The following CDH13 variants were observed in gnomAD, a reference collection of about 807,000 sequenced individuals.
CDH13 encodes the protein cadherin-13.
Under a neutral mutation model 63.8 loss-of-function variants are expected in CDH13, and 24 were observed. That is an observed-to-expected ratio of 0.38 (90% confidence interval 0.27 to 0.53). CDH13 has a LOEUF of 0.53. CDH13 is among the 20% of genes least tolerant of loss of function. The pLI is 0.85. For synonymous variants in CDH13, 503 were observed against 355.3 expected (o/e 1.42, Z -4.67); for missense variants, 1,049 against 903.1 (o/e 1.16, Z -2.07).
intron 6 of CDH13, among the ~76,000 whole-genome samples, chr16:83,414,357 A>G (rs1490024397): frequency 6.6e-6 from 1 of 152,198 alleles, no homozygotes; most frequent in Non-Finnish European, 1.5e-5. Context: ...TGATGCAACC[A>G]CCACCACAGT....
At chr16:82,896,612 G>C (rs1236049518) in intron 2 of CDH13, among the ~76,000 whole-genome samples, 1 of 151,656 alleles carries the variant, frequency 6.6e-6, no homozygotes, top group Non-Finnish European at 1.5e-5. Flanking sequence ...CAGGATTAAA[G>C]TGTGAAAAAA....
intron 7 of CDH13, among the ~76,000 whole-genome samples, chr16:83,586,491 T>C (rs943515931): frequency 1.3e-5 from 2 of 152,228 alleles, no homozygotes; most frequent in Non-Finnish European, 2.9e-5. Flanking sequence ...ATCAACATCC[T>C]GTCTGTCTGG....
chr16:82,955,953 C>A (rs905469227), intron 2 of CDH13, among the ~76,000 whole-genome samples: 7 of 152,220 alleles, frequency 4.6e-5, no homozygotes, highest in Admixed American at 4.6e-4. Context: ...TCTGTGTCAT[C>A]ACTGACATTC....
At chr16:83,075,121 G>A (rs1008892080) in intron 3 of CDH13, among the ~76,000 whole-genome samples, 1 of 152,158 alleles carries the variant, frequency 6.6e-6, no homozygotes, top group Non-Finnish European at 1.5e-5. Flanking sequence ...GTCTCTTAGA[G>A]AGTCCCCAGT....
intron 5 of CDH13, among the ~76,000 whole-genome samples, chr16:83,319,141 C>A (rs530767398): frequency 4.6e-5 from 7 of 151,980 alleles, no homozygotes; most frequent in Non-Finnish European, 8.8e-5. Context: ...AAGTAATATT[C>A]TTTTCTTGCT....
chr16:83,133,991 C>T lies in CDH13; in HGVS notation c.483+8490C>T, dbSNP rs79020725. The stretch of plus-strand genomic sequence containing the variant: ...AATTGAATTCTAGCCATATGTATGG[C>T]TGATTAACATAGACATTCACTGCTT... On this transcript the variant is annotated intron_variant, in intron 4 of 13. Transcript: ENST00000567109. Among the ~76,000 whole-genome samples, 65 of 152,280 alleles carry T rather than the reference C, an allele frequency of 4.3e-4. No homozygotes were observed. The East Asian group carries it at 7.3e-3, about 17-fold the overall frequency.
Position 83,674,489 on chromosome 16 carries a change from T to C in CDH13, c.1284+3517T>C, listed in dbSNP as rs926279465. Reference sequence around the variant, plus strand: ...CCGGCCAATTTCCCGTGATGTTTCATTGACCAATGACATACGTTCTTCCTT... The same window carrying C: ...CCGGCCAATTTCCCGTGATGTTTCACTGACCAATGACATACGTTCTTCCTT... On this transcript the variant is annotated intron_variant, in intron 9 of 13. Coordinates refer to ENST00000567109, the MANE Select transcript of CDH13 (RefSeq NM_001257.5). 3.3e-5 allele frequency among the ~76,000 whole-genome samples: 5 copies of C among 152,238 alleles called. No individual in the cohort carries two copies. The East Asian group carries it at 9.6e-4, about 29-fold the overall frequency.
chr16:83,149,666 A>G (rs2036891142), intron 4 of CDH13, among the ~76,000 whole-genome samples: 1 of 152,188 alleles, frequency 6.6e-6, no homozygotes, highest in Non-Finnish European at 1.5e-5. Flanking sequence ...ACTGGTTTCT[A>G]AAAGCCCTAT....
At chr16:82,861,376 A>T (rs2216738) in intron 2 of CDH13, among the ~76,000 whole-genome samples, 2 of 151,914 alleles carry the variant, frequency 1.3e-5, no homozygotes, top group African/African-American at 4.8e-5. Flanking sequence ...TGATGTCTAC[A>T]CTCTTCACTT....
chr16:83,064,271 A>T (rs1317377634), intron 3 of CDH13, among the ~76,000 whole-genome samples: 4 of 152,268 alleles, frequency 2.6e-5, no homozygotes, highest in African/African-American at 9.6e-5. Context: ...CAAGAGGCTG[A>T]GATAGGAAAA....
intron 5 of CDH13, among the ~76,000 whole-genome samples, chr16:83,297,667 T>A: frequency 6.6e-6 from 1 of 152,284 alleles, no homozygotes; most frequent in South Asian, 2.1e-4. Context: ...GACAAAGACA[T>A]AACTTCAACC....
intron 4 of CDH13, among the ~76,000 whole-genome samples, chr16:83,160,059 G>C (rs1319451252): frequency 6.6e-6 from 1 of 151,870 alleles, no homozygotes; most frequent in East Asian, 1.9e-4. Flanking sequence ...CCGGGTGACA[G>C]AGCAAGACTC....
At chr16:83,188,498 G>T (rs188300352) in intron 4 of CDH13, among the ~76,000 whole-genome samples, 3 of 152,084 alleles carry the variant, frequency 2.0e-5, no homozygotes, top group Non-Finnish European at 2.9e-5. Flanking sequence ...AGCCAGCCTC[G>T]CTGCCCATCT....
chr16:82,899,917 G>C (rs1223129778), intron 2 of CDH13, among the ~76,000 whole-genome samples: 1 of 152,184 alleles, frequency 6.6e-6, no homozygotes, highest in Non-Finnish European at 1.5e-5. Context: ...ATGTGCAAGT[G>C]ATTACGAGGG....
chr16:82,895,775 T>C (rs1437870672), intron 2 of CDH13, among the ~76,000 whole-genome samples: 2 of 151,664 alleles, frequency 1.3e-5, no homozygotes, highest in African/African-American at 4.8e-5. Flanking sequence ...GCCAATGAAA[T>C]AGCTTTAAGG....
intron 2 of CDH13, among the ~76,000 whole-genome samples, chr16:82,958,751 G>T (rs561433727): frequency 6.6e-6 from 1 of 152,256 alleles, no homozygotes; most frequent in Non-Finnish European, 1.5e-5. Context: ...TCAGGGACCA[G>T]TAGCAGTCAT....
rs527895003 is a variant in CDH13 at position 83,050,227 on chromosome 16, T to G, written c.366+18009T>G. 5.3e-5 allele frequency among the ~76,000 whole-genome samples: 8 copies of G among 152,316 alleles called. No homozygotes were observed. The East Asian group carries it at 1.5e-3, about 29-fold the overall frequency. On this transcript the variant is annotated intron_variant, in intron 3 of 13. Transcript: ENST00000567109. ...CATAACTCTAGTTATAACTTGCTTT[T>G]GGGTTTATACCTAGGAGTGGAATTG... is the stretch of plus-strand genomic sequence containing the variant.
chr16:83,035,835 T>C (rs771352089), intron 3 of CDH13, among the ~76,000 whole-genome samples: 12 of 152,208 alleles, frequency 7.9e-5, no homozygotes, highest in Non-Finnish European at 1.6e-4. Flanking sequence ...TGGATCTTCC[T>C]GTGGATTCAA....
Position 83,634,115 on chromosome 16 carries a change from T to TTGTG in CDH13, c.1101+31522_1101+31523insGTGT, listed in dbSNP as rs1454869281. ...AAGTCTCCACCCATTTTTGTGTGTT[T>TTGTG]TCTGTGTGTGTGTGTGTGTATGTGT... is the stretch of plus-strand genomic sequence containing the variant. On this transcript the variant is annotated intron_variant, in intron 8 of 13. Transcript: ENST00000567109. 9.3e-3 allele frequency among the ~76,000 whole-genome samples: 1,259 copies of TTGTG among 135,768 alleles called. 38 individuals are homozygous for TTGTG. Among genetic ancestry groups the TTGTG allele is most frequent in the Admixed American group, 0.064 (838 of 13,016 alleles). The allele number at this position is 135,768 out of a possible 152,430, so 89.1% of individuals were successfully genotyped here. A position where few individuals can be genotyped will look rare whatever the true frequency, so the allele number is the denominator to read the frequency against.
Sources: allele counts gnomAD v4.1 joint callset (sites outside exome capture counted in the v4.1 genomes callset), GRCh38; gene constraint gnomAD v4.1.1; transcripts MANE v1.5; gene names NCBI Gene and HGNC (gene_info 2026-07-23, HGNC 2026-07-21).